The following PLCH1 variants were observed in gnomAD, a reference collection of about 807,000 sequenced individuals.
PLCH1 encodes the protein phospholipase C eta 1.
PLCH1 carries 60 observed loss-of-function variants against 126.7 expected under a neutral mutation model. The observed-to-expected ratio is 0.47, with a 90% CI of 0.38 to 0.59. The LOEUF is 0.59. PLCH1 is among the 20% of genes least tolerant of loss of function. The probability of loss-of-function intolerance (pLI) is 0.00; values close to 1 mark genes in which losing one functional copy is unlikely to be tolerated. For missense variants in PLCH1, 1,723 were observed against 2,040.0 expected (o/e 0.84, Z 2.99); for synonymous variants, 719 against 734.9 (o/e 0.98, Z 0.35).
intron 2 of PLCH1, among the ~76,000 whole-genome samples, chr3:155,628,635 G>T (rs910728382): frequency 1.4e-4 from 21 of 147,288 alleles, no homozygotes; most frequent in African/African-American, 5.2e-4. Context: ...AAATAAATTT[G>T]TATGCTTTTC....
chr3:155,579,887 T>C (rs1730439041), intron 6 of PLCH1, among the ~76,000 whole-genome samples: 1 of 151,828 alleles, frequency 6.6e-6, no homozygotes, highest in Non-Finnish European at 1.5e-5. Context: ...TGTCTGTCTG[T>C]CTCTCTTTCT....
chr3:155,620,665 C>T (rs1445647711), intron 2 of PLCH1, among the ~76,000 whole-genome samples: 6 of 152,136 alleles, frequency 3.9e-5, no homozygotes, highest in Non-Finnish European at 8.8e-5. Context: ...AAGATGATGA[C>T]CCACCGCAGC....
intron 21 of PLCH1, among the ~76,000 whole-genome samples, chr3:155,473,290 C>A (rs1475491938): frequency 2.0e-5 from 3 of 151,906 alleles, no homozygotes; most frequent in Non-Finnish European, 4.4e-5. Context: ...CAATAACAGA[C>A]AGAGAGCCAA....
chr3:155,466,256 C>T (rs1426485491), intron 21 of PLCH1, among the ~76,000 whole-genome samples: 1 of 152,118 alleles, frequency 6.6e-6, no homozygotes, highest in African/African-American at 2.4e-5. Context: ...TGGTCTTCAC[C>T]CCCAGGTTTA....
In PLCH1 at chr3:155,514,753, C is replaced by T. The variant is rs200928567; in HGVS notation, c.1602G>A (p.Thr534=). 46 of 1,601,340 alleles carry T rather than the reference C, an allele frequency of 2.9e-5. No homozygotes were observed. The highest frequency in any genetic ancestry group is 1.7e-4 in the Middle Eastern group (1 of 6,028). ...TCAGGTGTGCATTTAAGCCTTCATG[C>T]GTGGCCTTCAGTAGTGCCCGCACTG... ...SFTVRALLKA[T]HEGLNAHLKQ... is the part of the protein sequence containing the mutation. The change falls in exon 12 of 23, where the codon ACG becomes ACA. Residue 534 remains threonine, a synonymous_variant. Coordinates refer to ENST00000460012, the MANE Select transcript of PLCH1 (RefSeq NM_014996.4).
At chr3:155,499,079 T>C (rs1002978804) in intron 14 of PLCH1, among the ~76,000 whole-genome samples, 2 of 152,252 alleles carry the variant, frequency 1.3e-5, no homozygotes, top group East Asian at 1.9e-4. Context: ...ACATGTGTTA[T>C]TGTCTGCCTT....
chr3:155,672,702 A>C (rs1173165569), intron 2 of PLCH1, among the ~76,000 whole-genome samples: 7 of 152,344 alleles, frequency 4.6e-5, no homozygotes, highest in Non-Finnish European at 1.0e-4. Context: ...TAAATTTCTT[A>C]TCAGGCAATG....
rs775508925 is a variant in PLCH1, at chr3:155,494,481, C to G, written c.1931G>C (p.Arg644Thr). ...TGNVLSFSET[R>T]AHQVVQQKSE... The stretch of plus-strand genomic sequence containing the variant: ...TTTTTGCTGAACAACCTGATGTGCT[C>G]TTGTTTCACTGAATGATAACACATT... The change falls in exon 16 of 23, where the codon AGA becomes ACA. Residue 644 changes from arginine (R) to threonine (T), a missense_variant. Around this residue, in one of 2 missense-constraint regions of PLCH1, gnomAD observed 776 missense variants for 1,062.9 expected, o/e 0.73. Transcript: ENST00000460012. 1.2e-5 allele frequency: 20 copies of G among 1,614,008 alleles called. No homozygotes were observed. The South Asian group carries it at 2.2e-4, about 18-fold the overall frequency.
intron 2 of PLCH1, among the ~76,000 whole-genome samples, chr3:155,643,269 AC>A (rs1245836920): frequency 6.6e-6 from 1 of 152,100 alleles, no homozygotes; most frequent in Non-Finnish European, 1.5e-5. Context: ...TACTTAGATC[AC>A]TATGCTCTGG....
At chr3:155,554,727 T>C (rs1440385748) in intron 8 of PLCH1, among the ~76,000 whole-genome samples, 1 of 152,220 alleles carries the variant, frequency 6.6e-6, no homozygotes, top group Non-Finnish European at 1.5e-5. Context: ...TAAGTTCAAA[T>C]CCTCGAGCGC....
At chr3:155,573,665 C>G (rs1306557562) in intron 6 of PLCH1, among the ~76,000 whole-genome samples, 1 of 152,140 alleles carries the variant, frequency 6.6e-6, no homozygotes, top group East Asian at 1.9e-4. Flanking sequence ...TCAAGACTCC[C>G]TGAGGCCTAG....
intron 2 of PLCH1, among the ~76,000 whole-genome samples, chr3:155,648,535 G>T (rs750668767): frequency 1.3e-5 from 2 of 152,072 alleles, no homozygotes; most frequent in African/African-American, 2.4e-5. Context: ...ATTTCCCTAC[G>T]TGCCTCAGTT....
At chr3:155,676,284 A>C in intron 2 of PLCH1, 1 of 1,169,666 alleles carries the variant, frequency 8.5e-7, no homozygotes, top group Non-Finnish European at 1.1e-6. Context: ...CCAAAGTGAA[A>C]AGCACAGCCA....
chr3:155,469,702 G>T (rs1406854716), intron 21 of PLCH1, among the ~76,000 whole-genome samples: 1 of 151,756 alleles, frequency 6.6e-6, no homozygotes, highest in African/African-American at 2.4e-5. Flanking sequence ...GAGAGCAGTG[G>T]TTCTCCCAGC....
At chr3:155,690,867 T>C (rs761362539) in intron 2 of PLCH1, among the ~76,000 whole-genome samples, 13 of 152,168 alleles carry the variant, frequency 8.5e-5, no homozygotes, top group Non-Finnish European at 1.6e-4. Flanking sequence ...AAAATGCAGA[T>C]TCTGGCTCAG....
chr3:155,490,965 G>GC (rs1346804767), intron 18 of PLCH1, 97 bp from the exon 19 acceptor site: 11 of 676,046 alleles, frequency 1.6e-5, no homozygotes, highest in Non-Finnish European at 2.8e-5. Context: ...CATTTCGACA[G>GC]CAACTGATTT....
At chr3:155,637,875 C>T (rs752068653) in intron 2 of PLCH1, among the ~76,000 whole-genome samples, 2 of 152,162 alleles carry the variant, frequency 1.3e-5, no homozygotes, top group African/African-American at 2.4e-5. Flanking sequence ...TCTTGAATTG[C>T]GCTTTTATGG....
At chr3:155,537,554 A>G (rs112129936) in intron 10 of PLCH1, among the ~76,000 whole-genome samples, 2 of 152,114 alleles carry the variant, frequency 1.3e-5, no homozygotes, top group Admixed American at 6.5e-5. Context: ...GTAGAAGAAG[A>G]TATTTCATGC....
chr3:155,731,078 T>C (rs1482968258), intron 1 of PLCH1, among the ~76,000 whole-genome samples: 1 of 152,172 alleles, frequency 6.6e-6, no homozygotes, highest in Admixed American at 6.5e-5. Flanking sequence ...GTTTGCTCCA[T>C]TGCCAGGTTT....
Sources: gnomAD v4.1 joint callset for allele counts (sites outside exome capture counted in the v4.1 genomes callset) on GRCh38, gnomAD v4.1.1 for gene constraint, gnomAD v4.1.1 regional missense constraint, MANE v1.5 for transcripts, NCBI Gene and HGNC (gene_info 2026-07-23, HGNC 2026-07-21) for gene names.